Variants in THADA observed in about 807,000 individuals in gnomAD.
THADA encodes THADA armadillo repeat containing.
Under a neutral mutation model 219.8 loss-of-function variants are expected in THADA, and 213 were observed. That is an observed-to-expected ratio of 0.97 (90% CI 0.87 to 1.09). THADA has a LOEUF of 1.09. Among genes scored for constraint, THADA ranks in the 50% least tolerant of loss-of-function variants. The pLI, the probability that THADA is intolerant of heterozygous loss-of-function variation, is 0.00. For missense variants in THADA, 2,956 were observed against 2,311.3 expected (o/e 1.28, Z -5.72); for synonymous variants, 1,018 against 828.9 (o/e 1.23, Z -3.92).
At chr2:43,289,012 C>T (rs1674379105) in intron 34 of THADA, among the ~76,000 whole-genome samples, 1 of 152,194 alleles carries the variant, frequency 6.6e-6, no homozygotes. Flanking sequence ...TATCAGTTTG[C>T]CAATTCTGGA....
intron 34 of THADA, 48 bp from the exon 35 acceptor site, chr2:43,287,109 G>C (rs752052444): frequency 1.3e-6 from 2 of 1,551,600 alleles, no homozygotes; most frequent in Non-Finnish European, 1.8e-6. Flanking sequence ...ATGCAACAAG[G>C]GCTGACACAG....
chr2:43,363,611 A>T lies in THADA; in HGVS notation c.4228-19374T>A, dbSNP rs536457333. ...TCTTCAACTTTGGTTATCACTGGTC[A>T]TTTTTATTATTGGAAAAACAAATGG... On this transcript the variant is annotated intron_variant, in intron 29 of 37. Coordinates refer to ENST00000405975, the MANE Select transcript of THADA (RefSeq NM_022065.5). Among the ~76,000 whole-genome samples, 7 of 152,322 alleles carry T rather than the reference A, an allele frequency of 4.6e-5. No individual in the cohort carries two copies. In the South Asian group the frequency reaches 1.5e-3, roughly 32 times the overall value.
rs987543468 is a variant in THADA, at chr2:43,405,705, G to A, written c.4059-7566C>T. On this transcript the variant is annotated intron_variant, in intron 28 of 37. Coordinates refer to ENST00000405975, the MANE Select transcript of THADA (RefSeq NM_022065.5). ...AAGTTTGATTTTTTAAAAATCCTTG[G>A]TTTGGGTAGTAAGGAGAAAATAAGA... Among the ~76,000 whole-genome samples, 6 of 152,246 alleles carry A rather than the reference G, an allele frequency of 3.9e-5. No individual in the cohort carries two copies. In the East Asian group the frequency reaches 1.2e-3, roughly 29 times the overall value.
At position 43,514,382 on chromosome 2, in the gene THADA, C is replaced by T. The variant is rs536433334; in HGVS notation, c.3375-5602G>A. On this transcript the variant is annotated intron_variant, in intron 22 of 37. Transcript: ENST00000405975. ...GGGAGGATCGCTTGAGCCCAAGAGG[C>T]AGAGGTTGCAGTGAGCTGAGATCAT... Among the ~76,000 whole-genome samples, 14 of 148,886 alleles carry T rather than the reference C, an allele frequency of 9.4e-5. No individual in the cohort carries two copies. In the East Asian group the frequency reaches 2.1e-3, roughly 23 times the overall value.
At chr2:43,549,393 T>G (rs376047654) in intron 19 of THADA, 25 bp from the exon 20 acceptor site, 410 of 1,586,328 alleles carry the variant, frequency 2.6e-4, no homozygotes, top group Admixed American at 4.3e-4. Context: ...TGAGCGTACA[T>G]GAAACCCAGT....
At chr2:43,379,968 A>AT in intron 29 of THADA, among the ~76,000 whole-genome samples, 1 of 152,252 alleles carries the variant, frequency 6.6e-6, no homozygotes, top group Non-Finnish European at 1.5e-5. Context: ...GTCACATGAC[A>AT]TTCTAGAAAG....
At chr2:43,485,905 G>A (rs1232172855) in intron 25 of THADA, among the ~76,000 whole-genome samples, 1 of 150,580 alleles carries the variant, frequency 6.6e-6, no homozygotes, top group African/African-American at 2.4e-5. Context: ...TTTTTTGTTT[G>A]TTTTGCTTTT....
At chr2:43,289,192 T>C (rs1439279912) in intron 34 of THADA, among the ~76,000 whole-genome samples, 1 of 152,258 alleles carries the variant, frequency 6.6e-6, no homozygotes, top group African/African-American at 2.4e-5. Context: ...ATGGATACAT[T>C]ACATTTTGCT....
At chr2:43,343,852 C>A (rs150864647) in intron 30 of THADA, 5 of 338,390 alleles carry the variant, frequency 1.5e-5, no homozygotes, top group African/African-American at 4.2e-5. Context: ...GGACTGGGCA[C>A]GCAGCAGGTT....
chr2:43,409,217 G>A (rs901458654), intron 28 of THADA, among the ~76,000 whole-genome samples: 3 of 152,132 alleles, frequency 2.0e-5, no homozygotes, highest in Admixed American at 1.3e-4. Flanking sequence ...ACTGCATTTT[G>A]TTTTTGCTGA....
At chr2:43,425,048 C>G (rs542359220) in intron 28 of THADA, among the ~76,000 whole-genome samples, 1 of 152,132 alleles carries the variant, frequency 6.6e-6, no homozygotes, top group African/African-American at 2.4e-5. Context: ...AGGTCCATTC[C>G]GTGTAGCTAA....
chr2:43,398,095 C>T lies in THADA; in HGVS notation c.4103G>A (p.Arg1368His), dbSNP rs756611622. ...TATCATAACAAATGGGACCAAGGCA[C>T]GAGCTGCCATTTCACGGGAGTGGTA... The part of the protein sequence containing the change: ...PVYHSREMAA[R>H]ALVPFVMIDH... Residue 1368 changes from arginine to histidine, a missense_variant, in exon 29 of 38, where the codon CGT becomes CAT. Arg to His is a conservative substitution (Grantham distance 29, BLOSUM62 0). Coordinates refer to ENST00000405975, the MANE Select transcript of THADA (RefSeq NM_022065.5). The T allele has an allele frequency of 6.2e-6, 10 of 1,613,920 alleles. No homozygotes were observed. Among genetic ancestry groups the T allele is most frequent in the East Asian group, 2.2e-5 (1 of 44,882 alleles).
chr2:43,315,117 C>T (rs1293176835), intron 31 of THADA, among the ~76,000 whole-genome samples: 1 of 152,218 alleles, frequency 6.6e-6, no homozygotes, highest in Non-Finnish European at 1.5e-5. Flanking sequence ...TGAGCAGATG[C>T]TCCTCCATCC....
chr2:43,548,011 C>T (rs1387287350), intron 20 of THADA, among the ~76,000 whole-genome samples: 1 of 152,054 alleles, frequency 6.6e-6, no homozygotes, highest in Non-Finnish European at 1.5e-5. Flanking sequence ...TACTTTTGGT[C>T]TTTGATGATG....
At chr2:43,570,561 A>T in intron 13 of THADA, 51 bp from the exon 14 acceptor site, 2 of 1,566,222 alleles carry the variant, frequency 1.3e-6, no homozygotes, top group Non-Finnish European at 8.6e-7. Context: ...TTAAATTTAA[A>T]TGTCAGCCTG....
chr2:43,317,500 A>G (rs1381907688), intron 31 of THADA, among the ~76,000 whole-genome samples: 1 of 152,218 alleles, frequency 6.6e-6, no homozygotes, highest in African/African-American at 2.4e-5. Context: ...TGAAATCTAC[A>G]CATCCAAGTA....
At position 43,572,929 on chromosome 2, in the gene THADA, A is replaced by G. The variant is rs564201264; in HGVS notation, c.1793T>C (p.Met598Thr). ...CNSRGALGAL[M>T]ACLRIARAHG... ...AGCTCTAGCTATTCGCAGACATGCC[A>G]TCAAAGCTCCCAGAGCCCCCCTGCT... The change falls in exon 12 of 38, where the codon ATG becomes ACG. Residue 598 changes from methionine (M) to threonine (T), a missense_variant. Coordinates refer to ENST00000405975, the MANE Select transcript of THADA (RefSeq NM_022065.5). The G allele has an allele frequency of 1.2e-6, 2 of 1,613,966 alleles. No homozygotes were observed. The highest frequency in any genetic ancestry group is 1.1e-5 in the South Asian group (1 of 91,086).
intron 36 of THADA, among the ~76,000 whole-genome samples, chr2:43,262,998 T>C (rs1442808680): frequency 6.6e-6 from 1 of 152,192 alleles, no homozygotes; most frequent in Admixed American, 6.5e-5. Context: ...ATGGCTTCCA[T>C]AGAGAGCCAA....
intron 28 of THADA, among the ~76,000 whole-genome samples, chr2:43,409,124 T>C (rs1412540621): frequency 1.3e-5 from 2 of 152,212 alleles, no homozygotes; most frequent in South Asian, 2.1e-4. Context: ...ATCTTCCCAG[T>C]GCCATCAGCT....
Sources: gnomAD v4.1 joint callset for allele counts (sites outside exome capture counted in the v4.1 genomes callset) on GRCh38, gnomAD v4.1.1 for gene constraint, MANE v1.5 for transcripts, NCBI Gene and HGNC (gene_info 2026-07-23, HGNC 2026-07-21) for gene names.